MGAT4A: variants seen among roughly 807,000 people sequenced by gnomAD.
The protein encoded by MGAT4A is alpha-1,3-mannosyl-glycoprotein 4-beta-N-acetylglucosaminyltransferase A.
A neutral mutation model predicts 74.1 loss-of-function variants in MGAT4A; 33 were observed. The ratio of observed to expected loss-of-function variants is 0.45; its 90% CI spans 0.34 to 0.60. MGAT4A has a LOEUF of 0.60. MGAT4A is among the 20% of genes least tolerant of loss of function. The probability of loss-of-function intolerance (pLI) is 0.02; values close to 1 mark genes in which losing one functional copy is unlikely to be tolerated. For missense variants in MGAT4A, 479 were observed against 628.3 expected, an observed-to-expected ratio of 0.76 and a Z score of 2.54; for synonymous variants, 198 against 210.4, an observed-to-expected ratio of 0.94 and a Z score of 0.51.
intron 4 of MGAT4A, chr2:98,663,530 A>G: frequency 8.2e-7 from 1 of 1,226,234 alleles, no homozygotes; most frequent in African/African-American, 1.5e-5. Context: ...CTCGACTTCA[A>G]GCATGTGACA....
chr2:98,696,758 C>T (rs1487767897), intron 2 of MGAT4A, among the ~76,000 whole-genome samples: 1 of 152,172 alleles, frequency 6.6e-6, no homozygotes. Flanking sequence ...TGTAAAAATG[C>T]TATCCCCTAT....
chr2:98,688,709 G>C (rs1306578790), intron 2 of MGAT4A, among the ~76,000 whole-genome samples: 1 of 152,154 alleles, frequency 6.6e-6, no homozygotes, highest in Non-Finnish European at 1.5e-5. Context: ...GATAAGCTTG[G>C]GAGTGTATTC....
intron 2 of MGAT4A, among the ~76,000 whole-genome samples, chr2:98,682,360 T>C (rs188821069): frequency 3.4e-3 from 462 of 136,094 alleles, no homozygotes; most frequent in Middle Eastern, 9.8e-3. Context: ...AGGCAGAGGC[T>C]GCAGTGAGCC....
chr2:98,710,818 C>T (rs1042531166), intron 2 of MGAT4A, among the ~76,000 whole-genome samples: 1 of 152,070 alleles, frequency 6.6e-6, no homozygotes, highest in Admixed American at 6.6e-5. Flanking sequence ...TATTTCCTTC[C>T]TCTAATAAGT....
At chr2:98,655,354 C>T in intron 8 of MGAT4A, 91 bp downstream of exon 8, 2 of 926,446 alleles carry the variant, frequency 2.2e-6, no homozygotes, top group Non-Finnish European at 3.3e-6. Context: ...AGAGGGTTTG[C>T]ACTTTCAAAA....
chr2:98,726,671 T>G (rs546979477), intron 1 of MGAT4A, 104 bp from the exon 2 acceptor site: 2 of 274,984 alleles, frequency 7.3e-6, no homozygotes, highest in African/African-American at 4.3e-5. Flanking sequence ...AGGGCTAAAT[T>G]GCATCTATAA....
chr2:98,654,034 T>TCAAA (rs1701621271), intron 8 of MGAT4A, among the ~76,000 whole-genome samples: 1 of 152,046 alleles, frequency 6.6e-6, no homozygotes, highest in Non-Finnish European at 1.5e-5. Flanking sequence ...TAACATATAC[T>TCAAA]ACATTAACAA....
At chr2:98,650,662 T>A (rs948876235) in intron 8 of MGAT4A, among the ~76,000 whole-genome samples, 2 of 151,954 alleles carry the variant, frequency 1.3e-5, no homozygotes, top group Non-Finnish European at 2.9e-5. Flanking sequence ...AATTCAAAAG[T>A]AAAGAAGGCC....
intron 8 of MGAT4A, among the ~76,000 whole-genome samples, chr2:98,653,965 C>A (rs982212345): frequency 6.6e-6 from 1 of 152,002 alleles, no homozygotes; most frequent in African/African-American, 2.4e-5. Flanking sequence ...TACACCATAA[C>A]CAAGTGGGAT....
At chr2:98,705,874 G>A (rs962005780) in intron 2 of MGAT4A, among the ~76,000 whole-genome samples, 5 of 151,470 alleles carry the variant, frequency 3.3e-5, no homozygotes, top group African/African-American at 7.3e-5. Context: ...CCCGGGAAGC[G>A]GAGCTTGCAG....
chr2:98,652,227 G>A (rs1400204880), intron 8 of MGAT4A, among the ~76,000 whole-genome samples: 1 of 151,756 alleles, frequency 6.6e-6, no homozygotes, highest in Non-Finnish European at 1.5e-5. Context: ...CAGACATAAA[G>A]AACACTGATC....
intron 8 of MGAT4A, among the ~76,000 whole-genome samples, chr2:98,645,971 T>C (rs1257306202): frequency 2.0e-5 from 3 of 152,218 alleles, no homozygotes; most frequent in Non-Finnish European, 1.5e-5. Flanking sequence ...AATTTAGTAG[T>C]CTTACTGTTA....
chr2:98,670,987 A>G (rs1263900964), intron 4 of MGAT4A, among the ~76,000 whole-genome samples: 1 of 152,206 alleles, frequency 6.6e-6, no homozygotes. Context: ...AATTTAATCT[A>G]TAAACCTCTC....
chr2:98,646,354 G>C lies in MGAT4A; in HGVS notation c.775-812C>G, dbSNP rs563665939. ...AGAGGAATAGCACTCCTCAATGATC[G>C]ATTCCAGATCTGGGATAGGAAATGC... On this transcript the variant is annotated intron_variant, in intron 8 of 15. Transcript: ENST00000393487. Among the ~76,000 whole-genome samples the C allele has an allele frequency of 5.3e-5, 8 of 152,116 alleles. No individual in the cohort carries two copies. The Middle Eastern group carries it at 0.01, about 194-fold the overall frequency.
intron 6 of MGAT4A, among the ~76,000 whole-genome samples, chr2:98,657,551 C>A (rs920962043): frequency 6.6e-5 from 10 of 152,080 alleles, no homozygotes; most frequent in African/African-American, 1.4e-4. Flanking sequence ...AGACAAGGAG[C>A]CACATTATTT....
Position 98,636,633 on chromosome 2 carries a change from G to A in MGAT4A, c.1323-38C>T, listed in dbSNP as rs1701326514. 1.9e-6 allele frequency: 3 copies of A among 1,557,230 alleles called. No homozygotes were observed. In the African/African-American group the frequency reaches 4.1e-5, roughly 21 times the overall value. On this transcript the variant is annotated intron_variant, in intron 12 of 15. Transcript: ENST00000393487. ...ACATCAAAATAAAAACACAAGTCGG[G>A]CTAGATTTTACAAAGATTCAAGAAA... is the stretch of plus-strand genomic sequence containing the variant.
At chr2:98,640,329 G>T (rs1247254719) in intron 10 of MGAT4A, 101 bp from the exon 11 acceptor site, 14 of 982,792 alleles carry the variant, frequency 1.4e-5, no homozygotes, top group Middle Eastern at 2.7e-4. Context: ...GAAAAGAAGG[G>T]CTGGGCGCGG....
chr2:98,696,938 T>C (rs1353608964), intron 2 of MGAT4A, among the ~76,000 whole-genome samples: 1 of 152,220 alleles, frequency 6.6e-6, no homozygotes, highest in Non-Finnish European at 1.5e-5. Context: ...CCTATATTTC[T>C]GCATTGTGAT....
intron 2 of MGAT4A, among the ~76,000 whole-genome samples, chr2:98,693,938 G>A (rs1286351792): frequency 1.3e-5 from 2 of 152,072 alleles, no homozygotes; most frequent in Non-Finnish European, 2.9e-5. Flanking sequence ...AAACACTGAA[G>A]GAACAAACTA....
Sources: gnomAD v4.1 joint callset for allele counts (sites outside exome capture counted in the v4.1 genomes callset) on GRCh38, gnomAD v4.1.1 for gene constraint, MANE v1.5 for transcripts, NCBI Gene and HGNC (gene_info 2026-07-23, HGNC 2026-07-21) for gene names.